Variants in TTYH2 observed in about 807,000 individuals in gnomAD.
TTYH2 encodes the protein tweety family member 2.
In TTYH2, 49 loss-of-function variants were observed where a neutral mutation model predicts 68.3. The observed-to-expected ratio is 0.72, with a 90% CI of 0.57 to 0.91. The LOEUF is 0.91. Ranked by LOEUF, TTYH2 falls within the 40% of genes least tolerant of loss-of-function variation. The pLI is 0.00. For missense variants in TTYH2, 631 were observed against 700.4 expected (o/e 0.90, Z 1.12); for synonymous variants, 272 against 300.8 (o/e 0.90, Z 0.99).
At chr17:74,230,841 C>T (rs2050380792) in intron 2 of TTYH2, 47 bp from the exon 3 acceptor site, 1 of 1,585,196 alleles carries the variant, frequency 6.3e-7, no homozygotes, top group South Asian at 1.1e-5. Flanking sequence ...AGCAAACATT[C>T]TCCTCTGTGT....
chr17:74,249,523 T>C, intron 8 of TTYH2, 124 bp downstream of exon 8: 1 of 1,034,374 alleles, frequency 9.7e-7, no homozygotes, highest in Non-Finnish European at 1.5e-6. Flanking sequence ...GTCCTCTCCT[T>C]AGCTGCTTCT....
chr17:74,251,089 A>G (rs2050619308), intron 10 of TTYH2, among the ~76,000 whole-genome samples: 1 of 94,418 alleles, frequency 1.1e-5, no homozygotes, highest in Admixed American at 9.8e-5. Context: ...CTTGTGGTGT[A>G]TATGTCTGTG....
chr17:74,248,823 C>T, intron 6 of TTYH2, 188 bp from the exon 7 acceptor site: 1 of 1,426,558 alleles, frequency 7.0e-7, no homozygotes, highest in Non-Finnish European at 9.2e-7. Context: ...GAATAAGTAA[C>T]TTGTCCAAGG....
intron 2 of TTYH2, among the ~76,000 whole-genome samples, chr17:74,229,625 CTT>C (rs2050367023): frequency 6.6e-6 from 1 of 152,136 alleles, no homozygotes; most frequent in South Asian, 2.1e-4. Flanking sequence ...ACGAAGATGT[CTT>C]TAACAGGTGA....
intron 1 of TTYH2, among the ~76,000 whole-genome samples, chr17:74,220,862 C>A (rs1297955700): frequency 1.1e-4 from 16 of 152,134 alleles, no homozygotes; most frequent in Non-Finnish European, 1.6e-4. Context: ...TCATGGTTCA[C>A]TGCAGCCTCA....
intron 1 of TTYH2, among the ~76,000 whole-genome samples, chr17:74,220,036 T>C (rs2050260661): frequency 6.6e-6 from 1 of 151,752 alleles, no homozygotes; most frequent in African/African-American, 2.4e-5. Flanking sequence ...AAATGGGATC[T>C]CAGCATGTTG....
intron 10 of TTYH2, chr17:74,250,569 C>T (rs1248026728): frequency 2.0e-5 from 11 of 543,130 alleles, no homozygotes; most frequent in East Asian, 3.1e-5. Flanking sequence ...ACCAGGGGTT[C>T]GGGATGGGAG....
At position 74,215,058 on chromosome 17, in the gene TTYH2, A is replaced by G. The variant is rs927786885; in HGVS notation, c.129+1342A>G. Among the ~76,000 whole-genome samples, 10 of 151,918 alleles carry G rather than the reference A, an allele frequency of 6.6e-5. No homozygotes were observed. The highest frequency in any genetic ancestry group is 5.9e-4 in the Admixed American group (9 of 15,276). On this transcript the variant is annotated intron_variant, in intron 1 of 13. Transcript: ENST00000269346. The surrounding 1 kb of genome is among the most constrained non-coding windows in gnomAD (Gnocchi z 4.3). ...GACCCACCCCCCTCCCCCAGAGCCCAGCCTGTGGGAGTCTGTGTTCCCTGA... is the reference window on the plus strand; with the variant it reads ...GACCCACCCCCCTCCCCCAGAGCCCGGCCTGTGGGAGTCTGTGTTCCCTGA...
At chr17:74,243,728 C>T (rs367705081) in intron 5 of TTYH2, among the ~76,000 whole-genome samples, 1 of 152,186 alleles carries the variant, frequency 6.6e-6, no homozygotes, top group Admixed American at 6.5e-5. Context: ...AACATGGGTC[C>T]GTGCATGAAA....
chr17:74,216,254 C>A (rs945287078), intron 1 of TTYH2, among the ~76,000 whole-genome samples: 13 of 152,110 alleles, frequency 8.5e-5, no homozygotes, highest in African/African-American at 2.9e-4. Context: ...GGAGACTGAA[C>A]AAAACGCCTG....
At chr17:74,244,916 TAGAAG>T (rs1006084811) in intron 6 of TTYH2, among the ~76,000 whole-genome samples, 1 of 151,706 alleles carries the variant, frequency 6.6e-6, no homozygotes, top group African/African-American at 2.4e-5. Flanking sequence ...ATGCACGTGA[TAGAAG>T]AGAACACAGT....
Position 74,252,256 on chromosome 17 carries a change from GCATCT to G in TTYH2, c.1140_1144del (p.Ile381LeufsTer44). 2 of 1,613,216 alleles carry G rather than the reference GCATCT, an allele frequency of 1.2e-6. No homozygotes were observed. Among genetic ancestry groups the G allele is most frequent in the Admixed American group, 3.3e-5 (2 of 60,026 alleles). On this transcript the variant is annotated frameshift_variant, in exon 11 of 14. Transcript: ENST00000269346. LOFTEE classifies it high-confidence loss of function. Reference sequence around the variant, plus strand: ...CAGGATTATCTGGACGCTCTTGCTGGCATCTGCTACGACGGCCTCCAGGGCTTGCT... The same window carrying G: ...CAGGATTATCTGGACGCTCTTGCTGGGCTACGACGGCCTCCAGGGCTTGCT...
chr17:74,260,338 C>T lies in TTYH2; in HGVS notation c.*129C>T. On this transcript the variant is annotated 3_prime_UTR_variant, in exon 14 of 14. Coordinates refer to ENST00000269346, the MANE Select transcript of TTYH2 (RefSeq NM_032646.6). ...GAGGCCTCCTGCTGTGGCAGAGGAG[C>T]AGCTGGGATTCCCGACCAAAGCCCC... 1.1e-6 allele frequency: 1 copy of T among 941,006 alleles called. No individual in the cohort carries two copies. The highest frequency in any genetic ancestry group is 1.4e-5 in the South Asian group (1 of 69,232). 58.3% of individuals were successfully genotyped at this position (941,006 alleles called of 1,614,324 possible).
intron 3 of TTYH2, 109 bp downstream of exon 3, chr17:74,231,108 CTG>C: frequency 9.8e-7 from 1 of 1,019,718 alleles, no homozygotes; most frequent in Non-Finnish European, 1.5e-6. Flanking sequence ...CACGGAGGGG[CTG>C]TGTGACGCCT....
rs1435070647 is a variant in TTYH2, at chr17:74,241,513, G to C, written c.636-1861G>C. ...TTTGATTAGTCCCCTTCTTTTGGCA[G>C]TAAGCCTCAATTCGGGGAGTCAGAA... On this transcript the variant is annotated intron_variant, in intron 4 of 13. Coordinates refer to ENST00000269346, the MANE Select transcript of TTYH2 (RefSeq NM_032646.6). This position sits in a 1 kb window ranked among gnomAD's most constrained non-coding sequence, Gnocchi z 4.1. Among the ~76,000 whole-genome samples the C allele has an allele frequency of 6.6e-6, 1 of 152,188 alleles. No homozygotes were observed. Among genetic ancestry groups the C allele is most frequent in the Non-Finnish European group, 1.5e-5 (1 of 68,036 alleles).
At chr17:74,257,771 T>TA (rs1437108247) in intron 13 of TTYH2, among the ~76,000 whole-genome samples, 1 of 152,200 alleles carries the variant, frequency 6.6e-6, no homozygotes, top group Non-Finnish European at 1.5e-5. Flanking sequence ...TCTTCAGACT[T>TA]ACAGAAACAG....
At chr17:74,252,038 A>G in intron 10 of TTYH2, 196 bp from the exon 11 acceptor site, 1 of 645,434 alleles carries the variant, frequency 1.5e-6, no homozygotes, top group South Asian at 1.9e-5. Context: ...AAATGTTTCC[A>G]GCGTGAACCC....
rs2050281917 is a variant in TTYH2 at position 74,222,176 on chromosome 17, A to AG, written c.130-306dup. Among the ~76,000 whole-genome samples, 6 of 152,232 alleles carry AG rather than the reference A, an allele frequency of 3.9e-5. No homozygotes were observed. In the South Asian group the frequency reaches 1.2e-3, roughly 32 times the overall value. ...TGAGTGGCTCGGACTCTTCATCAGC[A>AG]GGGCCTGGTCCGTATCTTCATCCAG... On this transcript the variant is annotated intron_variant, in intron 1 of 13. Transcript: ENST00000269346. The surrounding 1 kb of genome is among the most constrained non-coding windows in gnomAD (Gnocchi z 5.2).
At position 74,217,195 on chromosome 17, in the gene TTYH2, T is replaced by C. The variant is rs1029122867; in HGVS notation, c.129+3479T>C. Among the ~76,000 whole-genome samples, 2 of 152,184 alleles carry C rather than the reference T, an allele frequency of 1.3e-5. No individual in the cohort carries two copies. Among genetic ancestry groups the C allele is most frequent in the African/African-American group, 2.4e-5 (1 of 41,442 alleles). On this transcript the variant is annotated intron_variant, in intron 1 of 13. Coordinates refer to ENST00000269346, the MANE Select transcript of TTYH2 (RefSeq NM_032646.6). The surrounding 1 kb of genome is among the most constrained non-coding windows in gnomAD (Gnocchi z 4.0). The stretch of plus-strand genomic sequence containing the variant: ...AGTAAGCTCCCAAAGGCTGTGCAAA[T>C]GTTAGTTATTGCTACTGTCAACAGG...
Sources: gnomAD v4.1 joint callset for allele counts (sites outside exome capture counted in the v4.1 genomes callset) on GRCh38, gnomAD v4.1.1 for gene constraint, Gnocchi (gnomAD v3.1) non-coding constraint, MANE v1.5 for transcripts, NCBI Gene and HGNC (gene_info 2026-07-23, HGNC 2026-07-21) for gene names.